The following STOX2 variants were observed in gnomAD, a reference collection of about 807,000 sequenced individuals.
STOX2 encodes the protein storkhead-box protein 2.
STOX2 carries 28 observed loss-of-function variants against 60.9 expected under a neutral mutation model. The ratio of observed to expected loss-of-function variants is 0.46; its 90% CI spans 0.34 to 0.63. The LOEUF is 0.63. Among genes scored for constraint, STOX2 ranks in the 30% least tolerant of loss-of-function variants. STOX2 has a pLI of 0.01. For synonymous variants in STOX2, 472 were observed against 463.9 expected, an observed-to-expected ratio of 1.02 and a Z score of -0.22; for missense variants, 1,024 against 1,187.7, an observed-to-expected ratio of 0.86 and a Z score of 2.03.
At chr4:183,819,277 C>G in intron 1 of STOX2, among the ~76,000 whole-genome samples, 1 of 152,120 alleles carries the variant, frequency 6.6e-6, no homozygotes, top group East Asian at 1.9e-4. Flanking sequence ...GTGAACGAGA[C>G]TCCATCTGCA....
At chr4:183,947,069 G>A (rs939646077) in intron 1 of STOX2, among the ~76,000 whole-genome samples, 1 of 69,066 alleles carries the variant, frequency 1.4e-5, no homozygotes, top group African/African-American at 3.1e-5. Flanking sequence ...CGTGGATTTC[G>A]GTATCCTGGT....
At chr4:183,986,831 C>G (rs1165432837) in intron 1 of STOX2, among the ~76,000 whole-genome samples, 1 of 152,154 alleles carries the variant, frequency 6.6e-6, no homozygotes, top group African/African-American at 2.4e-5. Context: ...GCTGAATCAC[C>G]GGAGTCAGGA....
At chr4:183,820,730 G>A (rs1289128379) in intron 1 of STOX2, among the ~76,000 whole-genome samples, 1 of 152,148 alleles carries the variant, frequency 6.6e-6, no homozygotes, top group Non-Finnish European at 1.5e-5. Context: ...AGCTGTCTGT[G>A]CAGTCAAATC....
At chr4:183,880,919 C>T (rs1740943939) in intron 1 of STOX2, among the ~76,000 whole-genome samples, 1 of 151,886 alleles carries the variant, frequency 6.6e-6, no homozygotes, top group Non-Finnish European at 1.5e-5. Context: ...TCAAGAAATA[C>T]ACGTGATTGT....
intron 1 of STOX2, among the ~76,000 whole-genome samples, chr4:183,814,557 A>G (rs1213884964): frequency 6.6e-6 from 1 of 152,160 alleles, no homozygotes; most frequent in Non-Finnish European, 1.5e-5. Context: ...CCGTGCTTGA[A>G]ACTGGTAATT....
chr4:183,930,426 C>T (rs1202096462), intron 1 of STOX2, among the ~76,000 whole-genome samples: 1 of 152,034 alleles, frequency 6.6e-6, no homozygotes, highest in African/African-American at 2.4e-5. Context: ...GATCATGCCT[C>T]ACTCCTGGGC....
At chr4:183,824,492 A>G (rs986435386) in intron 1 of STOX2, among the ~76,000 whole-genome samples, 1 of 152,228 alleles carries the variant, frequency 6.6e-6, no homozygotes, top group African/African-American at 2.4e-5. Context: ...GAGCTTCTCA[A>G]ATAAACAGCC....
intron 1 of STOX2, among the ~76,000 whole-genome samples, chr4:183,812,124 G>T (rs960264999): frequency 6.6e-6 from 1 of 152,192 alleles, no homozygotes; most frequent in South Asian, 2.1e-4. Flanking sequence ...GTAGAGATGG[G>T]TCTCACTATG....
At chr4:183,931,975 G>C (rs150012150) in intron 1 of STOX2, among the ~76,000 whole-genome samples, 1 of 152,274 alleles carries the variant, frequency 6.6e-6, no homozygotes, top group African/African-American at 2.4e-5. Flanking sequence ...GACCAGGGAA[G>C]GGCTGTTTCA....
upstream of STOX2, among the ~76,000 whole-genome samples, chr4:183,901,598 T>TA (rs1741462508): frequency 1.9e-5 from 1 of 53,880 alleles, no homozygotes; most frequent in Non-Finnish European, 3.5e-5. Context: ...TTTTTGGGTA[T>TA]TTTTTTTTTT....
chr4:183,844,512 G>C (rs1009095893), intron 1 of STOX2, among the ~76,000 whole-genome samples: 2 of 152,090 alleles, frequency 1.3e-5, no homozygotes, highest in Middle Eastern at 6.8e-3. Context: ...TGACAATTTG[G>C]TTGTCAAATT....
At chr4:183,818,989 T>C (rs1460559515) in intron 1 of STOX2, among the ~76,000 whole-genome samples, 4 of 148,338 alleles carry the variant, frequency 2.7e-5, no homozygotes, top group East Asian at 2.0e-4. Context: ...AGACGATGGG[T>C]GGCCGGGCAG....
At chr4:183,823,851 G>A (rs886704581) in intron 1 of STOX2, among the ~76,000 whole-genome samples, 1 of 152,116 alleles carries the variant, frequency 6.6e-6, no homozygotes, top group African/African-American at 2.4e-5. Context: ...CTCTAGGGCG[G>A]GGATTTTGTT....
intron 1 of STOX2, among the ~76,000 whole-genome samples, chr4:183,879,452 C>T (rs74415261): frequency 0.015 from 2,359 of 152,316 alleles, 51 homozygotes; most frequent in African/African-American, 0.053. Context: ...GTTTGTGCAT[C>T]GCACGAGTTC....
Position 184,001,402 on chromosome 4 carries a change from A to G in STOX2, c.244A>G (p.Ile82Val). 2 of 1,613,824 alleles carry G rather than the reference A, an allele frequency of 1.2e-6. No homozygotes were observed. The highest frequency in any genetic ancestry group is 1.3e-5 in the African/African-American group (1 of 74,978). ...ACTCGGGGAGATCCTCTGCTTGGCC[A>G]TCTCAGCAATGAACTCGGCAAGAAA... Reference protein sequence around the residue: ...IPLGEILCLAISAMNSARKPV... With the variant: ...IPLGEILCLAVSAMNSARKPV... Residue 82 changes from isoleucine to valine, a missense_variant, in exon 2 of 4, where the codon ATC (isoleucine) becomes GTC (valine). Around this residue, in one of 3 missense-constraint regions of STOX2, gnomAD observed 4 missense variants for 19.1 expected, o/e 0.21. Coordinates refer to ENST00000308497, the MANE Select transcript of STOX2 (RefSeq NM_020225.3). This position sits in a 1 kb window ranked among gnomAD's most constrained non-coding sequence, Gnocchi z 4.2.
Position 183,823,364 on chromosome 4 carries a change from C to T in STOX2, c.364+25309C>T, listed in dbSNP as rs368424611. Among the ~76,000 whole-genome samples, 82 of 152,276 alleles carry T rather than the reference C, an allele frequency of 5.4e-4. 2 individuals are homozygous for T. The East Asian group carries it at 8.1e-3, about 15-fold the overall frequency. On this transcript the variant is annotated intron_variant, in intron 1 of 2. Transcript: ENST00000513034. The stretch of plus-strand genomic sequence containing the variant: ...TGAGCTGAGAATGTGCCACTGCACT[C>T]CAGCCTGGGCAAAAAGAGCAAAACT...
In STOX2 at chr4:183,905,451, A is replaced by ACCCGGCGC. The variant is rs1255963929; in HGVS notation, c.-1332_-1325dup. The ACCCGGCGC allele has an allele frequency of 6.6e-6, 1 of 152,144 alleles. No homozygotes were observed. Among genetic ancestry groups the ACCCGGCGC allele is most frequent in the Non-Finnish European group, 1.5e-5 (1 of 68,066 alleles). 9.4% of individuals were successfully genotyped at this position (152,144 alleles called of 1,614,324 possible). ...GCATTGCGTCTTCCAGGCTGCGTGG[A>ACCCGGCGC]CCCGGCGCCCCGGCGTGTGCGGTTG... On this transcript the variant is annotated 5_prime_UTR_variant, in exon 1 of 4. An upstream open reading frame in the 5' UTR gains an earlier in-frame stop. Transcript: ENST00000308497.
intron 1 of STOX2, among the ~76,000 whole-genome samples, chr4:183,948,164 GC>G (rs1360491830): frequency 7.8e-6 from 1 of 127,812 alleles, no homozygotes; most frequent in East Asian, 2.6e-4. Context: ...GTTGCAGTGA[GC>G]CGAGATCATG....
intron 1 of STOX2, among the ~76,000 whole-genome samples, chr4:183,829,471 T>G (rs971437377): frequency 3.3e-5 from 5 of 152,234 alleles, no homozygotes; most frequent in Non-Finnish European, 5.9e-5. Context: ...GGTACTGTTA[T>G]ACATAACTAG....
Sources: allele counts gnomAD v4.1 joint callset (sites outside exome capture counted in the v4.1 genomes callset), GRCh38; gene constraint gnomAD v4.1.1; regional missense constraint gnomAD v4.1.1; non-coding constraint Gnocchi (gnomAD v3.1); transcripts MANE v1.5; gene names NCBI Gene and HGNC (gene_info 2026-07-23, HGNC 2026-07-21).